The following CDH18 variants were observed in gnomAD, a reference collection of about 807,000 sequenced individuals.
CDH18 encodes the protein cadherin 18, also known as cadherin-18.
CDH18 carries 31 observed loss-of-function variants against 67.9 expected under a neutral mutation model. That is an observed-to-expected ratio of 0.46 (90% CI 0.34 to 0.62). The LOEUF is 0.62. Ranked by LOEUF, CDH18 falls within the 20% of genes least tolerant of loss-of-function variation. The pLI is 0.01. For synonymous variants in CDH18, 362 were observed against 347.2 expected (o/e 1.04, Z -0.48); for missense variants, 890 against 975.5 (o/e 0.91, Z 1.17).
In CDH18 at chr5:20,424,745, TAAAAAAAA is replaced by T. The variant is rs67349001; in HGVS notation, c.-580+150709_-580+150716del. Among the ~76,000 whole-genome samples, 9 of 42,910 alleles carry T rather than the reference TAAAAAAAA, an allele frequency of 2.1e-4. No individual in the cohort carries two copies. The Admixed American group carries it at 4.1e-3, about 19-fold the overall frequency. The allele number at this position is 42,910 out of a possible 152,430, so 28.2% of individuals were successfully genotyped here. A position where few individuals can be genotyped will look rare whatever the true frequency, so the allele number is the denominator to read the frequency against. ...CTGGGTAATAGAGCAAGACTCTGTCTAAAAAAAAAAAAAAAAAAAAAAAAAAAGGAAGT... is the reference window on the plus strand; with the variant it reads ...CTGGGTAATAGAGCAAGACTCTGTCTAAAAAAAAAAAAAAAAAAAGGAAGT... On this transcript the variant is annotated intron_variant, in intron 1 of 14. Coordinates refer to the CDH18 transcript ENST00000507958.
chr5:19,794,995 C>T (rs1776711995), intron 3 of CDH18, among the ~76,000 whole-genome samples: 1 of 152,016 alleles, frequency 6.6e-6, no homozygotes, highest in South Asian at 2.1e-4. Context: ...CCTGAACCAA[C>T]AGAAAAAGGC....
chr5:20,361,656 T>C (rs1038629456), intron 1 of CDH18, among the ~76,000 whole-genome samples: 1 of 152,106 alleles, frequency 6.6e-6, no homozygotes, highest in Non-Finnish European at 1.5e-5. Flanking sequence ...TGGGGAGTTA[T>C]ACTGGCAAAT....
At chr5:20,202,368 T>A (rs1251658837) in intron 2 of CDH18, among the ~76,000 whole-genome samples, 2 of 152,194 alleles carry the variant, frequency 1.3e-5, no homozygotes, top group Non-Finnish European at 2.9e-5. Context: ...CCAAAAGAGC[T>A]TGGGAATCCT....
chr5:19,860,655 A>G (rs1422022978), intron 2 of CDH18, among the ~76,000 whole-genome samples: 1 of 151,956 alleles, frequency 6.6e-6, no homozygotes, highest in Non-Finnish European at 1.5e-5. Flanking sequence ...ACTTAGACCA[A>G]TATTTTTCAG....
chr5:19,793,538 C>T (rs544827112), intron 3 of CDH18, among the ~76,000 whole-genome samples: 14 of 152,170 alleles, frequency 9.2e-5, no homozygotes, highest in South Asian at 2.1e-4. Context: ...AAACATACCA[C>T]GGCTTACTCA....
chr5:19,983,746 AAT>A (rs796989349), intron 1 of CDH18, among the ~76,000 whole-genome samples: 20 of 152,294 alleles, frequency 1.3e-4, no homozygotes, highest in African/African-American at 4.8e-4. Flanking sequence ...TTTTCCCAGA[AAT>A]AGTTTCCTGG....
chr5:20,461,428 G>T (rs992681403), intron 1 of CDH18, among the ~76,000 whole-genome samples: 1 of 152,062 alleles, frequency 6.6e-6, no homozygotes, highest in South Asian at 2.1e-4. Flanking sequence ...ATAACTGAGG[G>T]GAATATTCTC....
chr5:20,016,541 C>A (rs1366508994), intron 2 of CDH18, among the ~76,000 whole-genome samples: 1 of 152,126 alleles, frequency 6.6e-6, no homozygotes, highest in Admixed American at 6.6e-5. Flanking sequence ...TGAGGTTAAC[C>A]TTTTCAGCTG....
At chr5:20,433,669 C>T (rs1748948318) in intron 1 of CDH18, among the ~76,000 whole-genome samples, 2 of 151,908 alleles carry the variant, frequency 1.3e-5, no homozygotes, top group African/African-American at 4.8e-5. Flanking sequence ...TATATCTAAA[C>T]ACTATTTGTA....
intron 1 of CDH18, chr5:20,304,453 G>A: frequency 2.0e-6 from 3 of 1,520,394 alleles, no homozygotes; most frequent in Non-Finnish European, 2.7e-6. Context: ...CTCCACCTTT[G>A]CATTCACCAC....
At chr5:19,941,240 G>T (rs752213328) in intron 2 of CDH18, among the ~76,000 whole-genome samples, 1 of 152,066 alleles carries the variant, frequency 6.6e-6, no homozygotes. Flanking sequence ...GTGTTCACTA[G>T]ACATGGAATC....
At chr5:20,224,319 A>G (rs1741444297) in intron 2 of CDH18, among the ~76,000 whole-genome samples, 1 of 152,180 alleles carries the variant, frequency 6.6e-6, no homozygotes, top group Non-Finnish European at 1.5e-5. Context: ...ATTTTGTAAT[A>G]GAGCAGCTCA....
chr5:19,868,234 T>C (rs986414599), intron 2 of CDH18, among the ~76,000 whole-genome samples: 10 of 152,180 alleles, frequency 6.6e-5, no homozygotes, highest in African/African-American at 4.8e-5. Flanking sequence ...AATGATTACC[T>C]GCAAAGTTTC....
intron 1 of CDH18, among the ~76,000 whole-genome samples, chr5:20,472,488 G>A (rs1752159442): frequency 6.6e-6 from 1 of 152,108 alleles, no homozygotes; most frequent in Admixed American, 6.5e-5. Context: ...TGAAACAAAG[G>A]GAATGTGGGA....
intron 1 of CDH18, among the ~76,000 whole-genome samples, chr5:20,363,970 C>G (rs935348756): frequency 6.6e-6 from 1 of 152,106 alleles, no homozygotes; most frequent in Non-Finnish European, 1.5e-5. Flanking sequence ...AGTAGCTTTA[C>G]AAAAGTGCCA....
intron 2 of CDH18, among the ~76,000 whole-genome samples, chr5:19,863,290 T>A (rs1489707397): frequency 1.3e-5 from 2 of 152,126 alleles, no homozygotes; most frequent in Admixed American, 1.3e-4. Context: ...GGGCTATCCC[T>A]TTCTAGCCAA....
intron 2 of CDH18, among the ~76,000 whole-genome samples, chr5:19,959,880 G>A (rs1796618983): frequency 6.6e-6 from 1 of 152,054 alleles, no homozygotes; most frequent in Non-Finnish European, 1.5e-5. Flanking sequence ...TGCACAGCAT[G>A]TACAGGTGGA....
At chr5:20,411,611 A>C (rs556228847) in intron 1 of CDH18, among the ~76,000 whole-genome samples, 1 of 152,128 alleles carries the variant, frequency 6.6e-6, no homozygotes, top group African/African-American at 2.4e-5. Context: ...GGACTACATG[A>C]CACAAAGAAG....
At chr5:20,466,666 T>C (rs1475772185) in intron 1 of CDH18, among the ~76,000 whole-genome samples, 2 of 152,080 alleles carry the variant, frequency 1.3e-5, no homozygotes, top group African/African-American at 4.8e-5. Context: ...CAAGTTTTAT[T>C]TTCACTGCAA....
Sources: allele counts gnomAD v4.1 joint callset (sites outside exome capture counted in the v4.1 genomes callset), GRCh38; gene constraint gnomAD v4.1.1; transcripts MANE v1.5; gene names NCBI Gene and HGNC (gene_info 2026-07-23, HGNC 2026-07-21).